GPC4: variants seen among roughly 807,000 people sequenced by gnomAD.
The protein encoded by GPC4 is glypican 4, also known as glypican-4.
A neutral mutation model predicts 35.0 loss-of-function variants in GPC4; 10 were observed. The ratio of observed to expected loss-of-function variants is 0.29; its 90% CI spans 0.18 to 0.48. GPC4 has a LOEUF of 0.48. Ranked by LOEUF, GPC4 falls within the 20% of genes least tolerant of loss-of-function variation. The pLI is 0.99. For missense variants in GPC4, 322 were observed against 451.3 expected (o/e 0.71, Z 2.60); for synonymous variants, 167 against 170.2 (o/e 0.98, Z 0.15).
intron 3 of GPC4, among the ~76,000 whole-genome samples, chrX:133,322,953 T>C (rs982373695): frequency 1.8e-5 from 2 of 111,633 alleles, no homozygotes; most frequent in Non-Finnish European, 3.8e-5. Context: ...TGGTGGGGTC[T>C]TCAAGAAGTT....
At chrX:133,339,136 A>G in intron 2 of GPC4, 47 bp downstream of exon 2, 1 of 1,169,569 alleles carries the variant, frequency 8.6e-7, no homozygotes, top group African/African-American at 1.8e-5. Context: ...AAAAAGCTAC[A>G]GTACAGACCT....
intron 3 of GPC4, among the ~76,000 whole-genome samples, chrX:133,323,657 C>T (rs2068377020): frequency 8.9e-6 from 1 of 112,111 alleles, no homozygotes; most frequent in Non-Finnish European, 1.9e-5. Context: ...GTCGTAGAAA[C>T]CTGTCTTCCA....
intron 1 of GPC4, among the ~76,000 whole-genome samples, chrX:133,372,591 C>A (rs1420775448): frequency 3.6e-5 from 4 of 111,717 alleles, no homozygotes; most frequent in Non-Finnish European, 7.5e-5. Context: ...AATTGCTGAA[C>A]TGGAATTTTG....
chrX:133,326,444 T>A (rs961039537), intron 2 of GPC4, among the ~76,000 whole-genome samples: 1 of 111,883 alleles, frequency 8.9e-6, no homozygotes, highest in East Asian at 2.8e-4. Context: ...GGGTCCCTTT[T>A]GCTGGGCATC....
rs140576988 is a variant in GPC4 at position 133,414,843 on chromosome X, G to A, written c.123C>T (p.Gly41=). Reference sequence around the variant, plus strand: ...GGAGGGGGGCATCGTTCTTGTTGAAGCCTTTGGACACGTAAAGACGTCGCA... The same window carrying A: ...GGAGGGGGGCATCGTTCTTGTTGAAACCTTTGGACACGTAAAGACGTCGCA... ...SEVRRLYVSK[G]FNKNDAPLHE... Residue 41 remains glycine (G), a synonymous_variant, in exon 1 of 9, where the codon GGC becomes GGT. Coordinates refer to ENST00000370828, the MANE Select transcript of GPC4 (RefSeq NM_001448.3). 70 of 1,210,656 alleles carry A rather than the reference G, an allele frequency of 5.8e-5. 1 individual carries two copies. Among genetic ancestry groups the A allele is most frequent in the Non-Finnish European group, 7.6e-5 (68 of 895,229 alleles).
intron 3 of GPC4, among the ~76,000 whole-genome samples, chrX:133,313,311 G>A (rs1337573373): frequency 8.9e-6 from 1 of 112,816 alleles, no homozygotes; most frequent in Non-Finnish European, 1.9e-5. Context: ...TAAAAGGGGG[G>A]AATACGTGTA....
chrX:133,383,777 G>A (rs1016358844), intron 1 of GPC4, among the ~76,000 whole-genome samples: 5 of 111,699 alleles, frequency 4.5e-5, no homozygotes, highest in Non-Finnish European at 9.4e-5. Flanking sequence ...AGCCCGGGAG[G>A]CTAAGGTTGC....
intron 1 of GPC4, among the ~76,000 whole-genome samples, chrX:133,394,658 T>C (rs1311907636): frequency 2.7e-5 from 3 of 111,742 alleles, no homozygotes; most frequent in Non-Finnish European, 5.6e-5. Flanking sequence ...ATTGTCATCA[T>C]GGTGTTGGTA....
chrX:133,382,951 T>C (rs2068669976), intron 1 of GPC4, among the ~76,000 whole-genome samples: 1 of 112,322 alleles, frequency 8.9e-6, no homozygotes, highest in Admixed American at 9.4e-5. Flanking sequence ...TCATTGTTGG[T>C]GGGAATGTAA....
intron 1 of GPC4, among the ~76,000 whole-genome samples, chrX:133,397,627 G>T (rs2068749621): frequency 9.0e-6 from 1 of 111,378 alleles, no homozygotes; most frequent in South Asian, 3.7e-4. Flanking sequence ...GCTAAGTTTA[G>T]ATAAAGATTG....
intron 3 of GPC4, among the ~76,000 whole-genome samples, chrX:133,315,889 T>C (rs2068336228): frequency 9.0e-6 from 1 of 111,580 alleles, no homozygotes; most frequent in African/African-American, 3.3e-5. Flanking sequence ...TTATGACTAC[T>C]TTTTACGAAA....
chrX:133,411,466 T>A (rs1415145663), intron 1 of GPC4, among the ~76,000 whole-genome samples: 1 of 112,275 alleles, frequency 8.9e-6, no homozygotes, highest in African/African-American at 3.2e-5. Context: ...ATTTTCATTT[T>A]TACTAGTGAA....
At chrX:133,348,678 G>T (rs1190843024) in intron 1 of GPC4, among the ~76,000 whole-genome samples, 1 of 112,068 alleles carries the variant, frequency 8.9e-6, no homozygotes, top group African/African-American at 3.2e-5. Flanking sequence ...GAAGGCCTAG[G>T]GATAAATAAA....
intron 1 of GPC4, among the ~76,000 whole-genome samples, chrX:133,403,107 A>G (rs1385964555): frequency 1.8e-5 from 2 of 111,305 alleles, no homozygotes. Context: ...GGGGTAAAAA[A>G]ACATGTTTTC....
In GPC4 at chrX:133,388,660, C is replaced by T. The variant is rs138741596; in HGVS notation, c.160+26146G>A. The stretch of plus-strand genomic sequence containing the variant: ...CACAGGTGCCCACCACTATGCCTGG[C>T]TAAGTTTTTGTATTTTTAGTAGAGA... On this transcript the variant is annotated intron_variant, in intron 1 of 8. Transcript: ENST00000370828. Among the ~76,000 whole-genome samples the T allele has an allele frequency of 1.5e-4, 16 of 109,813 alleles. No homozygotes were observed. The East Asian group carries it at 4.4e-3, about 30-fold the overall frequency.
At chrX:133,375,819 GTCCATT>G (rs1224923175) in intron 1 of GPC4, among the ~76,000 whole-genome samples, 1 of 111,864 alleles carries the variant, frequency 8.9e-6, no homozygotes, top group Non-Finnish European at 1.9e-5. Context: ...ACTTCATACT[GTCCATT>G]TCAACAGTCC....
chrX:133,400,438 G>A (rs895319380), intron 1 of GPC4, among the ~76,000 whole-genome samples: 3 of 112,780 alleles, frequency 2.7e-5, no homozygotes, highest in African/African-American at 9.7e-5. Flanking sequence ...TATCACAACT[G>A]TAACTAATTA....
At chrX:133,315,112 T>TG (rs1374088589) in intron 3 of GPC4, among the ~76,000 whole-genome samples, 2 of 109,873 alleles carry the variant, frequency 1.8e-5, no homozygotes, top group Non-Finnish European at 3.8e-5. Context: ...GTTTGGGTTT[T>TG]TTTTTTTTTT....
chrX:133,383,200 G>C (rs1478618736), intron 1 of GPC4, among the ~76,000 whole-genome samples: 7 of 111,715 alleles, frequency 6.3e-5, no homozygotes, highest in African/African-American at 2.3e-4. Flanking sequence ...CCAGACAAGA[G>C]AATTTTGGTA....
Sources: gnomAD v4.1 joint callset for allele counts (sites outside exome capture counted in the v4.1 genomes callset) on GRCh38, gnomAD v4.1.1 for gene constraint, MANE v1.5 for transcripts, NCBI Gene and HGNC (gene_info 2026-07-23, HGNC 2026-07-21) for gene names.